The following RIT2 variants were observed in gnomAD, a reference collection of about 807,000 sequenced individuals.
RIT2 encodes the protein GTP-binding protein Rit2.
RIT2 carries 24 observed loss-of-function variants against 23.7 expected under a neutral mutation model. That is an observed-to-expected ratio of 1.01 (90% CI 0.73 to 1.43). RIT2 has a LOEUF of 1.43. RIT2 is among the 40% of genes most tolerant of loss of function. RIT2 has a pLI of 0.00. For missense variants in RIT2, 236 were observed against 266.9 expected, an observed-to-expected ratio of 0.88 and a Z score of 0.81; for synonymous variants, 107 against 91.1, an observed-to-expected ratio of 1.17 and a Z score of -0.99.
chr18:42,833,727 T>G (rs1598673908), intron 4 of RIT2, among the ~76,000 whole-genome samples: 1 of 152,186 alleles, frequency 6.6e-6, no homozygotes, highest in African/African-American at 2.4e-5. Context: ...TACATTTGTA[T>G]TTGTTGATTC....
At chr18:42,989,678 G>A (rs182167672) in intron 2 of RIT2, among the ~76,000 whole-genome samples, 44 of 152,262 alleles carry the variant, frequency 2.9e-4, no homozygotes, top group African/African-American at 8.7e-4. Context: ...TACTGTGTTG[G>A]CCAAGGCAGA....
intron 4 of RIT2, among the ~76,000 whole-genome samples, chr18:42,784,099 T>G (rs1054048499): frequency 1.3e-5 from 2 of 152,018 alleles, no homozygotes; most frequent in African/African-American, 4.8e-5. Flanking sequence ...CTTCCCACTC[T>G]CCTACCATAC....
intron 4 of RIT2, among the ~76,000 whole-genome samples, chr18:42,825,395 G>A (rs986333666): frequency 9.9e-5 from 15 of 151,776 alleles, no homozygotes; most frequent in African/African-American, 3.6e-4. Flanking sequence ...TTAATTGATT[G>A]CTTGATTAAA....
At chr18:43,105,505 G>GAAGGGAGGAAGGGAGGAAGA (rs1324947980) in intron 1 of RIT2, among the ~76,000 whole-genome samples, 36 of 105,180 alleles carry the variant, frequency 3.4e-4, no homozygotes, top group East Asian at 1.2e-3. Flanking sequence ...AGAAAGGGAG[G>GAAGGGAGGAAGGGAGGAAGA]GAGGGAGGGA....
At chr18:43,111,726 A>G (rs1037794084) in intron 1 of RIT2, among the ~76,000 whole-genome samples, 1 of 152,126 alleles carries the variant, frequency 6.6e-6, no homozygotes, top group Non-Finnish European at 1.5e-5. Context: ...CTTTGTATAC[A>G]TATCTGTTAC....
chr18:43,031,734 T>G (rs1263021429), intron 2 of RIT2, among the ~76,000 whole-genome samples: 3 of 152,068 alleles, frequency 2.0e-5, no homozygotes, highest in Non-Finnish European at 1.5e-5. Flanking sequence ...ATCTCTCAAT[T>G]ATTTTAGACA....
chr18:42,870,675 A>G (rs79441476), intron 4 of RIT2, among the ~76,000 whole-genome samples: 1,587 of 152,252 alleles, frequency 0.01, 16 homozygotes, highest in Non-Finnish European at 0.017. Context: ...GAAAACAACC[A>G]ATAGGGTAGG....
chr18:42,800,541 T>TTTTTTTTTG (rs1905504005), intron 4 of RIT2, among the ~76,000 whole-genome samples: 1 of 150,668 alleles, frequency 6.6e-6, no homozygotes, highest in Admixed American at 6.6e-5. Context: ...TTTTTTCTTT[T>TTTTTTTTTG]AGACGGAGTC....
chr18:43,057,505 G>C (rs527999884), intron 1 of RIT2, among the ~76,000 whole-genome samples: 17 of 152,230 alleles, frequency 1.1e-4, no homozygotes, highest in Admixed American at 4.6e-4. Context: ...TGAATCTCAT[G>C]TTTCAACACA....
rs544704129 is a variant in RIT2, at chr18:43,093,545, C to T, written c.103+21872G>A. Reference sequence around the variant, plus strand: ...GGAGGTTGTTGGGAGATTTGCTTCCCCAAAACAGCCACATTTAAGTATATG... The same window carrying T: ...GGAGGTTGTTGGGAGATTTGCTTCCTCAAAACAGCCACATTTAAGTATATG... On this transcript the variant is annotated intron_variant, in intron 1 of 4. Transcript: ENST00000326695. Among the ~76,000 whole-genome samples the T allele has an allele frequency of 1.4e-4, 21 of 151,926 alleles. No individual in the cohort carries two copies. The South Asian group carries it at 4.4e-3, about 32-fold the overall frequency.
chr18:42,756,216 A>T (rs1913160091), intron 4 of RIT2, among the ~76,000 whole-genome samples: 1 of 152,174 alleles, frequency 6.6e-6, no homozygotes, highest in South Asian at 2.1e-4. Context: ...TAAAAAGCCT[A>T]TTTCTTGAGC....
At chr18:42,877,762 A>G (rs910485248) in intron 4 of RIT2, among the ~76,000 whole-genome samples, 7 of 151,790 alleles carry the variant, frequency 4.6e-5, no homozygotes, top group Non-Finnish European at 7.4e-5. Flanking sequence ...GACGAGTTGT[A>G]GACAAACCAC....
intron 1 of RIT2, among the ~76,000 whole-genome samples, chr18:43,087,194 A>G (rs1913304537): frequency 6.6e-6 from 1 of 152,078 alleles, no homozygotes. Context: ...GTGAGCTGAG[A>G]TCACACCACT....
chr18:42,828,346 G>A (rs1906362737), intron 4 of RIT2, among the ~76,000 whole-genome samples: 1 of 152,180 alleles, frequency 6.6e-6, no homozygotes, highest in Non-Finnish European at 1.5e-5. Flanking sequence ...ATATTTCATT[G>A]TGTCCATTAC....
chr18:42,862,706 C>T (rs1041618897), intron 4 of RIT2, among the ~76,000 whole-genome samples: 6 of 152,150 alleles, frequency 3.9e-5, no homozygotes, highest in African/African-American at 1.2e-4. Context: ...TTGTGTGCTA[C>T]GCATCATGCA....
intron 1 of RIT2, among the ~76,000 whole-genome samples, chr18:43,112,810 C>A (rs1303192408): frequency 6.6e-6 from 1 of 152,086 alleles, no homozygotes; most frequent in African/African-American, 2.4e-5. Context: ...AAATTATAGT[C>A]ACCATAAATT....
At chr18:43,100,997 T>G (rs1373011021) in intron 1 of RIT2, among the ~76,000 whole-genome samples, 1 of 151,504 alleles carries the variant, frequency 6.6e-6, no homozygotes, top group East Asian at 2.0e-4. Flanking sequence ...GTGTTTGTAT[T>G]CACACATAAA....
intron 1 of RIT2, among the ~76,000 whole-genome samples, chr18:43,094,377 G>A (rs1306412409): frequency 6.6e-6 from 1 of 151,796 alleles, no homozygotes; most frequent in Non-Finnish European, 1.5e-5. Flanking sequence ...TCATAATGTG[G>A]ATCAGTGGTC....
intron 4 of RIT2, among the ~76,000 whole-genome samples, chr18:42,762,160 C>G (rs778816400): frequency 1.3e-5 from 2 of 152,114 alleles, no homozygotes; most frequent in Admixed American, 1.3e-4. Flanking sequence ...TAGCCTTATG[C>G]CTGGCCTTTA....
Sources: gnomAD v4.1 joint callset for allele counts (sites outside exome capture counted in the v4.1 genomes callset) on GRCh38, gnomAD v4.1.1 for gene constraint, MANE v1.5 for transcripts, NCBI Gene and HGNC (gene_info 2026-07-23, HGNC 2026-07-21) for gene names.